OR2A25: variants seen among roughly 807,000 people sequenced by gnomAD.
OR2A25 encodes olfactory receptor 2A25.
For missense variants in OR2A25, 362 were observed against 368.3 expected, an observed-to-expected ratio of 0.98 and a Z score of 0.14; for synonymous variants, 162 against 148.1, an observed-to-expected ratio of 1.09 and a Z score of -0.68.
At chr7:144,072,109 A>G (rs2051071325) in intron 1 of OR2A25, among the ~76,000 whole-genome samples, 1 of 152,090 alleles carries the variant, frequency 6.6e-6, no homozygotes, top group African/African-American at 2.4e-5. Context: ...CTTGCTTTGA[A>G]GCAAAACTTA....
intron 1 of OR2A25, 104 bp from the exon 2 acceptor site, chr7:144,074,112 G>T (rs1012371986): frequency 1.0e-5 from 10 of 995,882 alleles, no homozygotes; most frequent in South Asian, 1.6e-5. Flanking sequence ...ATAATTGAAG[G>T]TGTTTTCTTA....
chr7:144,075,599 A>G lies in OR2A25; in HGVS notation c.*447A>G, dbSNP rs574901600. 4.6e-3 allele frequency: 688 copies of G among 149,144 alleles called. 1 individual carries two copies. Among genetic ancestry groups the G allele is most frequent in the Non-Finnish European group, 7.4e-3 (501 of 67,730 alleles). 9.2% of individuals were successfully genotyped at this position (149,144 alleles called of 1,614,324 possible). On this transcript the variant is annotated 3_prime_UTR_variant, in exon 2 of 2. Coordinates refer to ENST00000641663, the MANE Select transcript of OR2A25 (RefSeq NM_001386096.1). ...AATCCCAGCACTTTGGGAGGCCGAG[A>G]CAGGTGGATCACGCGGTCAGGAGAC...
chr7:144,069,998 T>C (rs756981496), intron 1 of OR2A25, 102 bp downstream of exon 1: 32 of 152,112 alleles, frequency 2.1e-4, no homozygotes, highest in Non-Finnish European at 4.1e-4. Context: ...CCTGCTTAAA[T>C]TTCTGATCAT....
chr7:144,075,066 A>T lies in OR2A25; in HGVS notation c.847A>T (p.Met283Leu). The change falls in exon 2 of 2, where the codon ATG becomes TTG. Residue 283 changes from methionine (M) to leucine (L), a missense_variant. Transcript: ENST00000641663. ...GCTGTTTCACAGCCTCTTCAATCCC[A>T]TGCTTAATCCCCTAATTTATAGTCT... ...LLLFHSLFNP[M>L]LNPLIYSLRN... The T allele has an allele frequency of 4.3e-6, 7 of 1,614,112 alleles. No homozygotes were observed. Among genetic ancestry groups the T allele is most frequent in the Non-Finnish European group, 5.9e-6 (7 of 1,179,990 alleles).
chr7:144,070,767 ATTCATTT>A (rs2051059938), intron 1 of OR2A25, among the ~76,000 whole-genome samples: 1 of 151,982 alleles, frequency 6.6e-6, no homozygotes. Flanking sequence ...AAAATATGAA[ATTCATTT>A]TTCTGAGCTA....
chr7:144,073,194 T>C (rs1377460534), intron 1 of OR2A25, among the ~76,000 whole-genome samples: 1 of 152,062 alleles, frequency 6.6e-6, no homozygotes, highest in Non-Finnish European at 1.5e-5. Context: ...GTGACTATAG[T>C]TTACAGTAAT....
intron 1 of OR2A25, among the ~76,000 whole-genome samples, chr7:144,070,584 G>C (rs547454187): frequency 6.6e-6 from 1 of 151,296 alleles, no homozygotes; most frequent in Admixed American, 6.6e-5. Flanking sequence ...TGATGCTTTT[G>C]GTGTTGAATT....
rs1002429418 is a variant in OR2A25, at chr7:144,075,355, T to A, written c.*203T>A. 1.6e-5 allele frequency: 8 copies of A among 510,080 alleles called. No individual in the cohort carries two copies. The highest frequency in any genetic ancestry group is 1.5e-4 in the African/African-American group (8 of 52,742). 31.6% of individuals were successfully genotyped at this position (510,080 alleles called of 1,614,324 possible). On this transcript the variant is annotated 3_prime_UTR_variant, in exon 2 of 2. Coordinates refer to ENST00000641663, the MANE Select transcript of OR2A25 (RefSeq NM_001386096.1). ...CGGAGCTGCACAATTAATAAAAATATGTTTATACTAGCTGTATAGTGTACA... is the reference window on the plus strand; with the variant it reads ...CGGAGCTGCACAATTAATAAAAATAAGTTTATACTAGCTGTATAGTGTACA...
chr7:144,075,560 TGG>T lies in OR2A25; in HGVS notation c.*409_*410del. The T allele has an allele frequency of 6.4e-6, 1 of 157,082 alleles. No homozygotes were observed. The highest frequency in any genetic ancestry group is 6.2e-5 in the Admixed American group (1 of 16,066). 9.7% of individuals were successfully genotyped at this position (157,082 alleles called of 1,614,324 possible). On this transcript the variant is annotated 3_prime_UTR_variant, in exon 2 of 2. Coordinates refer to ENST00000641663, the MANE Select transcript of OR2A25 (RefSeq NM_001386096.1). The stretch of plus-strand genomic sequence containing the variant: ...TTTAGAACGTGCCGGCCAGACACGG[TGG>T]CTCACGCCTGTAATCCCAGCACTTT...
chr7:144,070,243 A>G (rs2051055579), intron 1 of OR2A25: 5 of 152,094 alleles, frequency 3.3e-5, no homozygotes. Context: ...TCCAACCTCC[A>G]CTGGGGCACT....
rs949855344 is a variant in OR2A25 at position 144,074,291 on chromosome 7, G to C, written c.72G>C (p.Met24Ile). The C allele has an allele frequency of 1.9e-6, 3 of 1,613,846 alleles. No individual in the cohort carries two copies. In the African/African-American group the frequency reaches 4.0e-5, roughly 22 times the overall value. ...TTCCCATTGGCCCAAGGATTCAGAT[G>C]CTCCTCTTTGGGCTCTTCTCCCTGT... ...LGFPIGPRIQ[M>I]LLFGLFSLFY... is the part of the protein sequence containing the mutation. The change falls in exon 2 of 2, where the codon ATG becomes ATC. Residue 24 changes from methionine (M) to isoleucine (I), a missense_variant. By Grantham distance (10) the Met-to-Ile change is conservative (BLOSUM62 1). Transcript: ENST00000641663.
chr7:144,074,598 C>A lies in OR2A25; in HGVS notation c.379C>A (p.His127Asn). Reference sequence around the variant, plus strand: ...CTATGATCGGTACGTGGCCATCTGCCACCCTCTCCGATATTCTACCATCAT... The same window carrying A: ...CTATGATCGGTACGTGGCCATCTGCAACCCTCTCCGATATTCTACCATCAT... ...MSYDRYVAIC[H>N]PLRYSTIMTW... The change falls in exon 2 of 2, where the codon CAC (histidine) becomes AAC (asparagine). Residue 127 changes from histidine (H) to asparagine (N), a missense_variant. His to Asn is a moderately conservative substitution (Grantham distance 68). Transcript: ENST00000641663. 4 of 1,614,188 alleles carry A rather than the reference C, an allele frequency of 2.5e-6. No homozygotes were observed. The highest frequency in any genetic ancestry group is 3.4e-6 in the Non-Finnish European group (4 of 1,180,028).
At position 144,074,174 on chromosome 7, in the gene OR2A25, C is replaced by T; in HGVS notation, c.-4-42C>T. 2.6e-6 allele frequency: 4 copies of T among 1,555,390 alleles called. No homozygotes were observed. The South Asian group carries it at 4.7e-5, about 18-fold the overall frequency. On this transcript the variant is annotated intron_variant, in intron 1 of 1. Coordinates refer to ENST00000641663, the MANE Select transcript of OR2A25 (RefSeq NM_001386096.1). The stretch of plus-strand genomic sequence containing the variant: ...AGTTGCAGCATGCTTAAACATTTGC[C>T]TTAGACATTCAGACTTGGTGAGCTC...
chr7:144,075,559 G>A lies in OR2A25; in HGVS notation c.*407G>A. On this transcript the variant is annotated 3_prime_UTR_variant, in exon 2 of 2. Transcript: ENST00000641663. ...ATTTAGAACGTGCCGGCCAGACACG[G>A]TGGCTCACGCCTGTAATCCCAGCAC... is the stretch of plus-strand genomic sequence containing the variant. 6.4e-6 allele frequency: 1 copy of A among 156,774 alleles called. No individual in the cohort carries two copies. The highest frequency in any genetic ancestry group is 6.3e-5 in the Admixed American group (1 of 15,990). The allele number at this position is 156,774 out of a possible 1,614,324, so 9.7% of individuals were successfully genotyped here.
In OR2A25 at chr7:144,074,615, T is replaced by C; in HGVS notation, c.396T>C (p.Ser132=). The C allele has an allele frequency of 6.2e-7, 1 of 1,614,232 alleles. No individual in the cohort carries two copies. Among genetic ancestry groups the C allele is most frequent in the South Asian group, 1.1e-5 (1 of 91,084 alleles). The change falls in exon 2 of 2, where the codon TCT becomes TCC. Residue 132 remains serine (S), a synonymous_variant. Transcript: ENST00000641663. ...CCATCTGCCACCCTCTCCGATATTC[T>C]ACCATCATGACCTGGAAAGTCTGCA... ...YVAICHPLRY[S]TIMTWKVCIT...
chr7:144,072,552 T>G (rs1324086195), intron 1 of OR2A25, among the ~76,000 whole-genome samples: 1 of 152,066 alleles, frequency 6.6e-6, no homozygotes, highest in African/African-American at 2.4e-5. Context: ...GCACTTTTAC[T>G]AATGAAATAG....
At chr7:144,072,464 A>T (rs968515710) in intron 1 of OR2A25, among the ~76,000 whole-genome samples, 2 of 152,116 alleles carry the variant, frequency 1.3e-5, no homozygotes, top group Non-Finnish European at 2.9e-5. Flanking sequence ...ATATGGTTAG[A>T]GTTTTAGCTC....
chr7:144,072,872 T>C (rs1398431524), intron 1 of OR2A25, among the ~76,000 whole-genome samples: 1 of 152,026 alleles, frequency 6.6e-6, no homozygotes, highest in African/African-American at 2.4e-5. Context: ...ATAAAGAAAA[T>C]GTGATATATA....
At chr7:144,070,499 C>T (rs962874998) in intron 1 of OR2A25, 2 of 151,998 alleles carry the variant, frequency 1.3e-5, no homozygotes, top group Non-Finnish European at 1.5e-5. Context: ...CAAATTTCTG[C>T]TATTTACAGA....
Sources: gnomAD v4.1 joint callset for allele counts (sites outside exome capture counted in the v4.1 genomes callset) on GRCh38, gnomAD v4.1.1 for gene constraint, MANE v1.5 for transcripts, NCBI Gene and HGNC (gene_info 2026-07-23, HGNC 2026-07-21) for gene names.